The following GRID2 variants were observed in gnomAD, a reference collection of about 807,000 sequenced individuals.
The protein encoded by GRID2 is glutamate ionotropic receptor delta type subunit 2.
GRID2 carries 33 observed loss-of-function variants against 114.8 expected under a neutral mutation model. The observed-to-expected ratio is 0.29, with a 90% CI of 0.22 to 0.38. GRID2 has a LOEUF of 0.38. GRID2 is among the 10% of genes least tolerant of loss of function. The probability of loss-of-function intolerance (pLI) is 1.00; values close to 1 mark genes in which losing one functional copy is unlikely to be tolerated. For synonymous variants in GRID2, 505 were observed against 449.9 expected (o/e 1.12, Z -1.55); for missense variants, 1,184 against 1,257.7 (o/e 0.94, Z 0.89).
At chr4:93,328,491 A>G (rs1481775371) in intron 8 of GRID2, among the ~76,000 whole-genome samples, 1 of 152,154 alleles carries the variant, frequency 6.6e-6, no homozygotes. Flanking sequence ...CACTATCTAA[A>G]ATAACCACTC....
chr4:92,348,021 T>A (rs1727864608), intron 1 of GRID2, among the ~76,000 whole-genome samples: 1 of 152,196 alleles, frequency 6.6e-6, no homozygotes, highest in South Asian at 2.1e-4. Context: ...AGTGGCATAG[T>A]CATAGTTCAC....
At chr4:92,899,622 A>G (rs1328080460) in intron 2 of GRID2, among the ~76,000 whole-genome samples, 1 of 152,190 alleles carries the variant, frequency 6.6e-6, no homozygotes, top group African/African-American at 2.4e-5. Context: ...ATTTTTTACA[A>G]ACAAGAAGAA....
intron 2 of GRID2, among the ~76,000 whole-genome samples, chr4:92,742,404 C>T (rs534425600): frequency 3.9e-5 from 6 of 152,194 alleles, no homozygotes; most frequent in African/African-American, 1.4e-4. Context: ...ATCTGCACCC[C>T]TCCAGCCTAC....
rs549318899 is a variant in GRID2, at chr4:93,676,950, A to G, written c.2360+50515A>G. Among the ~76,000 whole-genome samples the G allele has an allele frequency of 3.3e-4, 50 of 152,182 alleles. No homozygotes were observed. In the South Asian group the frequency reaches 9.8e-3, roughly 30 times the overall value. On this transcript the variant is annotated intron_variant, in intron 14 of 15. Transcript: ENST00000282020. The stretch of plus-strand genomic sequence containing the variant: ...AGCAGGACAGTGGGTGCAGCGCTCC[A>G]TGCACGAGCCGAAGCAGGACGAGGC...
At chr4:93,458,924 C>T (rs1345551890) in intron 11 of GRID2, among the ~76,000 whole-genome samples, 1 of 151,728 alleles carries the variant, frequency 6.6e-6, no homozygotes, top group Non-Finnish European at 1.5e-5. Context: ...CATGGTGGCA[C>T]ATGCCAGCAC....
chr4:93,106,785 G>C (rs1732279825), intron 3 of GRID2, among the ~76,000 whole-genome samples: 1 of 152,114 alleles, frequency 6.6e-6, no homozygotes, highest in Admixed American at 6.5e-5. Flanking sequence ...CCATGAGTCT[G>C]CCTTGTAATT....
chr4:93,306,285 T>A (rs926517523), intron 8 of GRID2: 3 of 152,152 alleles, frequency 2.0e-5, no homozygotes, highest in Non-Finnish European at 4.4e-5. Flanking sequence ...ATGCTGATTT[T>A]AAAAAAACTT....
At chr4:92,319,193 A>G (rs561826885) in intron 1 of GRID2, among the ~76,000 whole-genome samples, 1 of 152,132 alleles carries the variant, frequency 6.6e-6, no homozygotes, top group Non-Finnish European at 1.5e-5. Flanking sequence ...TTTTTCCTTT[A>G]TCTTATATGC....
chr4:92,684,961 T>C (rs565620817), intron 2 of GRID2, among the ~76,000 whole-genome samples: 197 of 152,170 alleles, frequency 1.3e-3, no homozygotes, highest in Non-Finnish European at 2.1e-3. Flanking sequence ...GTCTTCAGCT[T>C]TCTAATTACT....
intron 1 of GRID2, among the ~76,000 whole-genome samples, chr4:93,786,916 TA>T (rs957259487): frequency 2.0e-5 from 3 of 152,200 alleles, no homozygotes; most frequent in Non-Finnish European, 4.4e-5. Context: ...AAAGTGGTAC[TA>T]AACAAAAGTC....
Position 92,937,584 on chromosome 4 carries a change from T to C in GRID2, c.245-147411T>C, listed in dbSNP as rs762974061. Among the ~76,000 whole-genome samples the C allele has an allele frequency of 6.1e-5, 9 of 146,708 alleles. 2 individuals are homozygous for C. The highest frequency in any genetic ancestry group is 2.2e-4 in the Admixed American group (3 of 13,494). On this transcript the variant is annotated intron_variant, in intron 2 of 15. Coordinates refer to ENST00000282020, the MANE Select transcript of GRID2 (RefSeq NM_001510.4). Reference sequence around the variant, plus strand: ...ATCCATATATTTATATTTATGTCAGTATCAAATTATCTGGATTACTGGTGC... The same window carrying C: ...ATCCATATATTTATATTTATGTCAGCATCAAATTATCTGGATTACTGGTGC...
intron 4 of GRID2, among the ~76,000 whole-genome samples, chr4:93,160,882 T>A (rs555484716): frequency 6.6e-6 from 1 of 151,944 alleles, no homozygotes; most frequent in South Asian, 2.1e-4. Context: ...TTTAACAAGA[T>A]TTTTATATGC....
intron 2 of GRID2, among the ~76,000 whole-genome samples, chr4:92,651,959 G>A (rs1731955063): frequency 6.6e-6 from 1 of 152,080 alleles, no homozygotes; most frequent in Admixed American, 6.5e-5. Flanking sequence ...AGAGGTGCAG[G>A]CTGGGAAAAA....
chr4:93,426,774 A>C (rs546044955), intron 10 of GRID2, among the ~76,000 whole-genome samples: 11 of 152,226 alleles, frequency 7.2e-5, no homozygotes, highest in Admixed American at 5.2e-4. Flanking sequence ...TTTATAGTTT[A>C]GAGGGAGTCC....
chr4:92,656,806 T>G (rs1296294896), intron 2 of GRID2, among the ~76,000 whole-genome samples: 1 of 151,804 alleles, frequency 6.6e-6, no homozygotes, highest in African/African-American at 2.4e-5. Context: ...TTAAAGAACA[T>G]TTTTTAGCAA....
intron 1 of GRID2, among the ~76,000 whole-genome samples, chr4:93,786,941 T>C (rs945970252): frequency 1.3e-5 from 2 of 152,042 alleles, no homozygotes; most frequent in Non-Finnish European, 2.9e-5. Context: ...TTTAACGGGG[T>C]GTCCCAATGG....
chr4:92,652,955 T>C lies in GRID2; in HGVS notation c.244+62669T>C, dbSNP rs994156433. Among the ~76,000 whole-genome samples the C allele has an allele frequency of 7.8e-4, 110 of 141,068 alleles. 4 individuals carry two copies. Among genetic ancestry groups the C allele is most frequent in the African/African-American group, 2.4e-3 (94 of 39,110 alleles). The allele number at this position is 141,068 out of a possible 152,430, so 92.5% of individuals were successfully genotyped here. A position where few individuals can be genotyped will look rare whatever the true frequency, so the allele number is the denominator to read the frequency against. On this transcript the variant is annotated intron_variant, in intron 2 of 15. Coordinates refer to ENST00000282020, the MANE Select transcript of GRID2 (RefSeq NM_001510.4). ...ATATATAAACATATATTTATAAATA[T>C]ATATAAACATATTTATAAATACATA...
At chr4:92,809,281 T>C (rs1740556584) in intron 2 of GRID2, among the ~76,000 whole-genome samples, 1 of 151,948 alleles carries the variant, frequency 6.6e-6, no homozygotes, top group Non-Finnish European at 1.5e-5. Context: ...CTTAGGAGTA[T>C]GAAAATAATC....
At chr4:93,768,348 G>T (rs912241712) in intron 14 of GRID2, among the ~76,000 whole-genome samples, 1 of 152,196 alleles carries the variant, frequency 6.6e-6, no homozygotes, top group African/African-American at 2.4e-5. Context: ...CTGGAGGAGG[G>T]CCACATCTAG....
Sources: gnomAD v4.1 joint callset for allele counts (sites outside exome capture counted in the v4.1 genomes callset) on GRCh38, gnomAD v4.1.1 for gene constraint, MANE v1.5 for transcripts, NCBI Gene and HGNC (gene_info 2026-07-23, HGNC 2026-07-21) for gene names.